XDH: variants seen among roughly 807,000 people sequenced by gnomAD.
XDH encodes xanthine dehydrogenase, also known as xanthine dehydrogenase/oxidase.
Under a neutral mutation model 156.1 loss-of-function variants are expected in XDH, and 138 were observed. The ratio of observed to expected loss-of-function variants is 0.88; its 90% CI spans 0.77 to 1.02. The LOEUF is 1.02. Among genes scored for constraint, XDH ranks in the 50% least tolerant of loss-of-function variants. The probability of loss-of-function intolerance (pLI) is 0.00; values close to 1 mark genes in which losing one functional copy is unlikely to be tolerated. For synonymous variants in XDH, 669 were observed against 625.7 expected, an observed-to-expected ratio of 1.07 and a Z score of -1.03; for missense variants, 1,849 against 1,684.9, an observed-to-expected ratio of 1.10 and a Z score of -1.71.
rs1201671778 is a variant in XDH, at chr2:31,368,632, G to A, written c.2009C>T (p.Ala670Val). The A allele has an allele frequency of 6.2e-7, 1 of 1,614,054 alleles. No homozygotes were observed. The highest frequency in any genetic ancestry group is 1.3e-5 in the African/African-American group (1 of 74,916). ...KVTCVGHIIGAVVADTPEHTQ... is the reference protein window; with the variant it reads ...KVTCVGHIIGVVVADTPEHTQ... ...GTGTTCCGGGGTGTCAGCAACCACA[G>A]CACCAATGATATGCCCAACACAAGT... The change falls in exon 19 of 36, where the codon GCT becomes GTT. Residue 670 changes from alanine to valine, a missense_variant. Coordinates refer to ENST00000379416, the MANE Select transcript of XDH (RefSeq NM_000379.4).
intron 26 of XDH, 77 bp from the exon 27 acceptor site, chr2:31,349,057 A>G (rs1685381316): frequency 7.2e-7 from 1 of 1,397,804 alleles, no homozygotes; most frequent in African/African-American, 1.4e-5. Flanking sequence ...GTTCACATCA[A>G]AACAGGACAT....
At chr2:31,345,202 T>A (rs1397205569) in intron 30 of XDH, among the ~76,000 whole-genome samples, 1 of 152,112 alleles carries the variant, frequency 6.6e-6, no homozygotes, top group African/African-American at 2.4e-5. Context: ...TTTATGTGGT[T>A]CCTCTTCTAT....
rs190662221 is a variant in XDH at position 31,401,437 on chromosome 2, G to A, written c.198-109C>T. On this transcript the variant is annotated intron_variant, in intron 3 of 35. Coordinates refer to ENST00000379416, the MANE Select transcript of XDH (RefSeq NM_000379.4). ...GTGAGGCTTTATGTTACGTCTCTCC[G>A]CTCCCATTTATGTTCTTGTCTCTTC... 4.8e-3 allele frequency: 5,433 copies of A among 1,122,208 alleles called. 32 individuals are homozygous for A. The highest frequency in any genetic ancestry group is 5.5e-3 in the Non-Finnish European group (4,170 of 755,890). The allele number at this position is 1,122,208 out of a possible 1,614,324, so 69.5% of individuals were successfully genotyped here.
At chr2:31,399,554 G>T (rs1686999970) in intron 4 of XDH, among the ~76,000 whole-genome samples, 1 of 152,216 alleles carries the variant, frequency 6.6e-6, no homozygotes, top group African/African-American at 2.4e-5. Flanking sequence ...ATTTTAGGTT[G>T]ATTATACAGA....
At chr2:31,409,687 C>G (rs904052713) in intron 1 of XDH, among the ~76,000 whole-genome samples, 1 of 152,134 alleles carries the variant, frequency 6.6e-6, no homozygotes, top group Non-Finnish European at 1.5e-5. Context: ...GAGATTTCAC[C>G]TCATACCCAT....
chr2:31,407,370 T>C (rs1357406493), intron 1 of XDH, among the ~76,000 whole-genome samples: 3 of 152,184 alleles, frequency 2.0e-5, no homozygotes, highest in South Asian at 2.1e-4. Context: ...GTGTCGCCTA[T>C]GGATGTAATG....
chr2:31,382,146 C>CA (rs968896409), intron 11 of XDH, among the ~76,000 whole-genome samples: 10 of 151,016 alleles, frequency 6.6e-5, no homozygotes, highest in East Asian at 3.9e-4. Flanking sequence ...GGTAACTTGG[C>CA]AAAAAAAATG....
rs567451050 is a variant in XDH, at chr2:31,335,013, G to C, written c.*945C>G. The C allele has an allele frequency of 6.6e-6, 1 of 152,224 alleles. No individual in the cohort carries two copies. The highest frequency in any genetic ancestry group is 6.5e-5 in the Admixed American group (1 of 15,282). 9.4% of individuals were successfully genotyped at this position (152,224 alleles called of 1,614,324 possible). On this transcript the variant is annotated 3_prime_UTR_variant, in exon 36 of 36. Coordinates refer to ENST00000379416, the MANE Select transcript of XDH (RefSeq NM_000379.4). Reference sequence around the variant, plus strand: ...GCCTTTCAAGTAGTTGGGACTACAGGCATGCACTATCAAGACCAACTAATT... The same window carrying C: ...GCCTTTCAAGTAGTTGGGACTACAGCCATGCACTATCAAGACCAACTAATT...
At chr2:31,396,639 G>C (rs1178622253) in intron 6 of XDH, among the ~76,000 whole-genome samples, 1 of 151,998 alleles carries the variant, frequency 6.6e-6, no homozygotes, top group Non-Finnish European at 1.5e-5. Context: ...ACTTTTAATG[G>C]CAAAACCACA....
At chr2:31,347,447 C>T in intron 29 of XDH, 75 bp downstream of exon 29, 2 of 1,606,318 alleles carry the variant, frequency 1.2e-6, no homozygotes, top group Non-Finnish European at 1.7e-6. Context: ...CCTTCTAGCT[C>T]CCACCCAGGG....
intron 24 of XDH, among the ~76,000 whole-genome samples, chr2:31,356,841 C>T (rs1685636795): frequency 6.6e-6 from 1 of 152,184 alleles, no homozygotes; most frequent in South Asian, 2.1e-4. Flanking sequence ...TGATATGAAC[C>T]TCAACATACT....
At chr2:31,412,334 C>T (rs1687363560) in intron 1 of XDH, among the ~76,000 whole-genome samples, 1 of 152,120 alleles carries the variant, frequency 6.6e-6, no homozygotes, top group African/African-American at 2.4e-5. Flanking sequence ...TTTAGTGAAG[C>T]CAGAGTCCTG....
chr2:31,363,110 G>C, intron 24 of XDH, among the ~76,000 whole-genome samples: 1 of 151,986 alleles, frequency 6.6e-6, no homozygotes, highest in East Asian at 1.9e-4. Context: ...TCAGGAGTTC[G>C]AGACCAGCCT....
chr2:31,381,736 G>A lies in XDH; in HGVS notation c.1039-10C>T, dbSNP rs762860924. 7 of 1,610,690 alleles carry A rather than the reference G, an allele frequency of 4.3e-6. No homozygotes were observed. Among genetic ancestry groups the A allele is most frequent in the Admixed American group, 1.7e-5 (1 of 59,644 alleles). On this transcript the variant is annotated splice_polypyrimidine_tract_variant and intron_variant, in intron 11 of 35. Transcript: ENST00000379416. ...TGTTCCCTCCAACGGACTAAAACAAGCAGAGAGCATGCAGTGAGAGCCCAC... is the reference window on the plus strand; with the variant it reads ...TGTTCCCTCCAACGGACTAAAACAAACAGAGAGCATGCAGTGAGAGCCCAC...
chr2:31,403,989 A>C (rs1239590367), intron 2 of XDH, among the ~76,000 whole-genome samples: 2 of 152,230 alleles, frequency 1.3e-5, no homozygotes, highest in Non-Finnish European at 2.9e-5. Context: ...ATGATATAAC[A>C]TCTTATTTTT....
intron 1 of XDH, among the ~76,000 whole-genome samples, chr2:31,408,730 T>A (rs900295808): frequency 1.3e-5 from 2 of 152,086 alleles, no homozygotes; most frequent in Admixed American, 6.5e-5. Flanking sequence ...GTTTGAAGTT[T>A]CCCCCAAAAA....
At position 31,342,220 on chromosome 2, in the gene XDH, G is replaced by C. The variant is rs750365422; in HGVS notation, c.3482C>G (p.Ser1161Cys). Residue 1161 changes from serine to cysteine, a missense_variant, in exon 32 of 36, where the codon TCT becomes TGT. By Grantham distance (112) the Ser-to-Cys change is moderately radical. Transcript: ENST00000379416. ...TGTTAGGCAGTCGATTTCTACTTCA[G>C]AGCAAGCCACCCCATAGCTGAAGTA... ...FHYFSYGVAC[S>C]EVEIDCLTGD... is the part of the protein sequence containing the mutation. 1.2e-5 allele frequency: 19 copies of C among 1,613,984 alleles called. No individual in the cohort carries two copies. Among genetic ancestry groups the C allele is most frequent in the Admixed American group, 5.0e-5 (3 of 59,992 alleles).
In XDH at chr2:31,401,338, C is replaced by A; in HGVS notation, c.198-10G>T. On this transcript the variant is annotated splice_polypyrimidine_tract_variant and intron_variant, in intron 3 of 35. Transcript: ENST00000379416. The stretch of plus-strand genomic sequence containing the variant: ...ATTGGCAGAAAAGTGGCTAGAACCC[C>A]AGATTAAGGTCATTCCATTTATTGT... 1 of 1,613,820 alleles carries A rather than the reference C, an allele frequency of 6.2e-7. No individual in the cohort carries two copies. The highest frequency in any genetic ancestry group is 2.2e-5 in the East Asian group (1 of 44,858).
intron 24 of XDH, among the ~76,000 whole-genome samples, chr2:31,353,517 T>C (rs564595936): frequency 1.3e-5 from 2 of 152,258 alleles, no homozygotes; most frequent in East Asian, 1.9e-4. Flanking sequence ...GCAGTCCCAG[T>C]AGGGACTTTG....
Sources: gnomAD v4.1 joint callset for allele counts (sites outside exome capture counted in the v4.1 genomes callset) on GRCh38, gnomAD v4.1.1 for gene constraint, MANE v1.5 for transcripts, NCBI Gene and HGNC (gene_info 2026-07-23, HGNC 2026-07-21) for gene names.